KIAA1328: variants seen among roughly 807,000 people sequenced by gnomAD.
KIAA1328 encodes the protein KIAA1328, also known as protein hinderin.
A neutral mutation model predicts 68.1 loss-of-function variants in KIAA1328; 52 were observed. The ratio of observed to expected loss-of-function variants is 0.76; its 90% CI spans 0.61 to 0.96. The LOEUF is 0.96. Among genes scored for constraint, KIAA1328 ranks in the 40% least tolerant of loss-of-function variants. The probability of loss-of-function intolerance (pLI) is 0.00; values close to 1 mark genes in which losing one functional copy is unlikely to be tolerated. For synonymous variants in KIAA1328, 232 were observed against 239.4 expected, an observed-to-expected ratio of 0.97 and a Z score of 0.28; for missense variants, 641 against 677.6, an observed-to-expected ratio of 0.95 and a Z score of 0.60.
chr18:37,005,825 T>C (rs1471329987), intron 6 of KIAA1328, among the ~76,000 whole-genome samples: 1 of 152,094 alleles, frequency 6.6e-6, no homozygotes, highest in Non-Finnish European at 1.5e-5. Flanking sequence ...TGGAAGTCAT[T>C]ATCTTAAGTG....
chr18:36,883,967 T>TATATATATATATATATATATATACAC (rs1429832565), intron 4 of KIAA1328, among the ~76,000 whole-genome samples: 1 of 149,304 alleles, frequency 6.7e-6, no homozygotes, highest in African/African-American at 2.5e-5. Context: ...TATATATATA[T>TATATATATATATATATATATATACAC]ATACACACAC....
At chr18:36,831,767 A>G (rs2046501058) in intron 1 of KIAA1328, among the ~76,000 whole-genome samples, 1 of 152,224 alleles carries the variant, frequency 6.6e-6, no homozygotes, top group African/African-American at 2.4e-5. Context: ...GGCAAAACTC[A>G]GCAGATTAGA....
chr18:36,917,461 A>G (rs947970016), intron 5 of KIAA1328, among the ~76,000 whole-genome samples: 5 of 152,082 alleles, frequency 3.3e-5, no homozygotes, highest in Admixed American at 1.3e-4. Context: ...GCCTCAGACA[A>G]TCCTCCTGCC....
intron 4 of KIAA1328, among the ~76,000 whole-genome samples, chr18:36,881,705 A>G (rs2048333763): frequency 6.6e-6 from 1 of 152,020 alleles, no homozygotes; most frequent in Admixed American, 6.5e-5. Flanking sequence ...ATGGAATCAT[A>G]TATGTGATCT....
chr18:37,132,273 C>A (rs940382518), intron 7 of KIAA1328, among the ~76,000 whole-genome samples: 1 of 152,092 alleles, frequency 6.6e-6, no homozygotes, highest in African/African-American at 2.4e-5. Context: ...ATAGAAATTT[C>A]TTTGATTCTA....
intron 5 of KIAA1328, among the ~76,000 whole-genome samples, chr18:36,927,770 A>C (rs2050171695): frequency 6.6e-6 from 1 of 151,964 alleles, no homozygotes; most frequent in Admixed American, 6.6e-5. Flanking sequence ...ATAAAGAAAG[A>C]AAAAAAGAAA....
rs550781166 is a variant in KIAA1328 at position 37,225,170 on chromosome 18, A to G, written c.*2943A>G. The G allele has an allele frequency of 1.6e-5, 16 of 985,352 alleles. No homozygotes were observed. The highest frequency in any genetic ancestry group is 1.8e-5 in the Non-Finnish European group (15 of 829,952). 61.0% of individuals were successfully genotyped at this position (985,352 alleles called of 1,614,324 possible). A position where few individuals can be genotyped will look rare whatever the true frequency, so the allele number is the denominator to read the frequency against. ...AGAATCAGGGGAGAGGAGAGGCCTG[A>G]TGGGGCAGAGCTGGACGAAGTCTGC... On this transcript the variant is annotated 3_prime_UTR_variant, in exon 10 of 10. Transcript: ENST00000280020.
intron 6 of KIAA1328, among the ~76,000 whole-genome samples, chr18:36,963,626 C>T (rs574553209): frequency 1.3e-5 from 2 of 152,216 alleles, no homozygotes; most frequent in African/African-American, 2.4e-5. Flanking sequence ...CTTGCAGTAA[C>T]GGCATCATTG....
chr18:36,969,514 A>G (rs562020121), intron 6 of KIAA1328, among the ~76,000 whole-genome samples: 1 of 152,198 alleles, frequency 6.6e-6, no homozygotes, highest in East Asian at 1.9e-4. Context: ...GAACACCTCT[A>G]TGCACACAAA....
intron 7 of KIAA1328, among the ~76,000 whole-genome samples, chr18:37,146,205 C>A (rs2058894947): frequency 6.6e-6 from 1 of 151,932 alleles, no homozygotes; most frequent in Admixed American, 6.6e-5. Flanking sequence ...CAGCCTAGTA[C>A]CCAATATTTA....
At chr18:37,171,411 T>A (rs1426417558) in intron 8 of KIAA1328, among the ~76,000 whole-genome samples, 1 of 152,134 alleles carries the variant, frequency 6.6e-6, no homozygotes, top group East Asian at 1.9e-4. Flanking sequence ...AACAGGATCT[T>A]GCTATGTTGC....
rs552306001 is a variant in KIAA1328 at position 37,096,398 on chromosome 18, G to A, written c.1232+28853G>A. On this transcript the variant is annotated intron_variant, in intron 7 of 9. Coordinates refer to ENST00000280020, the MANE Select transcript of KIAA1328 (RefSeq NM_020776.3). ...CAGCTTCATCCATGTCCCTACAAAG[G>A]ACATGAACTCATCATTTTTTATGGC... 1.3e-3 allele frequency among the ~76,000 whole-genome samples: 205 copies of A among 152,208 alleles called. 2 individuals are homozygous for A. Among genetic ancestry groups the A allele is most frequent in the African/African-American group, 4.7e-3 (195 of 41,518 alleles).
intron 5 of KIAA1328, among the ~76,000 whole-genome samples, chr18:36,913,763 C>G (rs925960424): frequency 6.6e-6 from 1 of 152,128 alleles, no homozygotes; most frequent in Admixed American, 6.6e-5. Context: ...TTGCAATGCC[C>G]TATTCCCAAA....
intron 4 of KIAA1328, among the ~76,000 whole-genome samples, chr18:36,863,400 G>T (rs1352213804): frequency 6.6e-6 from 1 of 151,928 alleles, no homozygotes; most frequent in South Asian, 2.1e-4. Context: ...CTATTTCTCT[G>T]TCAACTGCCT....
chr18:36,896,573 C>A (rs1320837900), intron 5 of KIAA1328, among the ~76,000 whole-genome samples: 1 of 152,094 alleles, frequency 6.6e-6, no homozygotes, highest in Non-Finnish European at 1.5e-5. Context: ...ATAAGCTCAG[C>A]AAACTGAAAT....
intron 6 of KIAA1328, among the ~76,000 whole-genome samples, chr18:37,047,754 A>G (rs2055532153): frequency 6.6e-6 from 1 of 152,160 alleles, no homozygotes; most frequent in African/African-American, 2.4e-5. Flanking sequence ...GATAGACTTT[A>G]TCACGTAAAA....
At chr18:36,846,958 T>G (rs536860427) in intron 4 of KIAA1328, among the ~76,000 whole-genome samples, 2 of 151,646 alleles carry the variant, frequency 1.3e-5, no homozygotes, top group African/African-American at 4.8e-5. Context: ...CTCTTGCCCC[T>G]AGTAATCACT....
At chr18:36,963,029 G>T (rs1373175001) in intron 6 of KIAA1328, among the ~76,000 whole-genome samples, 1 of 152,170 alleles carries the variant, frequency 6.6e-6, no homozygotes, top group Non-Finnish European at 1.5e-5. Flanking sequence ...ATGAATCCAG[G>T]AGCTGGTTTT....
chr18:36,864,021 TC>T (rs1379245399), intron 4 of KIAA1328, among the ~76,000 whole-genome samples: 6 of 152,176 alleles, frequency 3.9e-5, no homozygotes, highest in African/African-American at 1.4e-4. Context: ...AAACTTCTGG[TC>T]CTAACTAGAA....
Sources: gnomAD v4.1 joint callset for allele counts (sites outside exome capture counted in the v4.1 genomes callset) on GRCh38, gnomAD v4.1.1 for gene constraint, MANE v1.5 for transcripts, NCBI Gene and HGNC (gene_info 2026-07-23, HGNC 2026-07-21) for gene names.